The following CMTM6 variants were observed in gnomAD, a reference collection of about 807,000 sequenced individuals.
CMTM6 encodes the protein CKLF like MARVEL transmembrane domain containing 6.
CMTM6 carries 5 observed loss-of-function variants against 13.6 expected under a neutral mutation model. The observed-to-expected ratio is 0.37, with a 90% CI of 0.19 to 0.77. The LOEUF is 0.77. CMTM6 is among the 30% of genes least tolerant of loss of function. The probability of loss-of-function intolerance (pLI) is 0.50; values close to 1 mark genes in which losing one functional copy is unlikely to be tolerated. For synonymous variants in CMTM6, 99 were observed against 84.5 expected, an observed-to-expected ratio of 1.17 and a Z score of -0.94; for missense variants, 196 against 218.6, an observed-to-expected ratio of 0.90 and a Z score of 0.65.
At chr3:32,498,979 A>G (rs1175240667) in intron 1 of CMTM6, among the ~76,000 whole-genome samples, 4 of 152,198 alleles carry the variant, frequency 2.6e-5, no homozygotes, top group Non-Finnish European at 4.4e-5. Flanking sequence ...CTTATATTTT[A>G]TAAAAAGAAC....
rs910220407 is a variant in CMTM6, at chr3:32,481,321, A to C, written c.*2639T>G. 1 of 152,066 alleles carries C rather than the reference A, an allele frequency of 6.6e-6. No individual in the cohort carries two copies. The highest frequency in any genetic ancestry group is 1.5e-5 in the Non-Finnish European group (1 of 68,010). The allele number at this position is 152,066 out of a possible 1,614,324, so 9.4% of individuals were successfully genotyped here. ...CACTTACAAAGGTAAGAACGTTTTA[A>C]TTAAATGGATTTATTTAAAAAGACT... On this transcript the variant is annotated 3_prime_UTR_variant, in exon 4 of 4. Transcript: ENST00000205636.
intron 1 of CMTM6, among the ~76,000 whole-genome samples, chr3:32,501,304 T>C (rs1233909913): frequency 2.0e-5 from 3 of 150,504 alleles, no homozygotes; most frequent in African/African-American, 7.4e-5. Flanking sequence ...TACCTAAAAA[T>C]CATCATGTGA....
At chr3:32,493,294 G>A (rs1697264429) in intron 1 of CMTM6, among the ~76,000 whole-genome samples, 1 of 152,194 alleles carries the variant, frequency 6.6e-6, no homozygotes, top group Admixed American at 6.5e-5. Flanking sequence ...GGTATGGTGA[G>A]TGGAGAATGT....
In CMTM6 at chr3:32,483,990, A is replaced by G. The variant is rs774536935; in HGVS notation, c.522T>C (p.Ala174=). 4 of 1,610,196 alleles carry G rather than the reference A, an allele frequency of 2.5e-6. No individual in the cohort carries two copies. The highest frequency in any genetic ancestry group is 2.2e-5 in the South Asian group (2 of 90,452). ...CATTAAGTGGCTCAGTGAGGGCTTC[A>G]GCCCTAGTGGTATTTTCAGGTTTTC... The part of the protein sequence containing the change: ...QLRKPENTTR[A]EALTEPLNA The change falls in exon 4 of 4, where the codon GCT becomes GCC. Residue 174 remains alanine, a synonymous_variant. Coordinates refer to ENST00000205636, the MANE Select transcript of CMTM6 (RefSeq NM_017801.3).
intron 1 of CMTM6, among the ~76,000 whole-genome samples, chr3:32,496,076 C>T (rs765112576): frequency 6.6e-6 from 1 of 151,856 alleles, no homozygotes; most frequent in Non-Finnish European, 1.5e-5. Context: ...TGGCGCATGC[C>T]TGTAATCCCA....
At chr3:32,488,762 T>C (rs1254756528) in intron 2 of CMTM6, among the ~76,000 whole-genome samples, 1 of 152,196 alleles carries the variant, frequency 6.6e-6, no homozygotes, top group African/African-American at 2.4e-5. Flanking sequence ...CCATATCTTA[T>C]CATAATGCAG....
At chr3:32,486,762 G>A (rs1697209162) in intron 3 of CMTM6, among the ~76,000 whole-genome samples, 1 of 152,166 alleles carries the variant, frequency 6.6e-6, no homozygotes, top group African/African-American at 2.4e-5. Context: ...TGTTGGGGGT[G>A]GAGCCTAGCT....
intron 2 of CMTM6, among the ~76,000 whole-genome samples, chr3:32,490,941 A>T (rs1396767429): frequency 6.6e-6 from 1 of 152,216 alleles, no homozygotes; most frequent in African/African-American, 2.4e-5. Context: ...CTTATGGCAT[A>T]TTAATCTGTA....
At chr3:32,497,399 A>C (rs1312177079) in intron 1 of CMTM6, among the ~76,000 whole-genome samples, 14 of 119,674 alleles carry the variant, frequency 1.2e-4, no homozygotes, top group African/African-American at 5.5e-4. Context: ...AAAAAAAAAA[A>C]AGAAAGAAAA....
intron 1 of CMTM6, among the ~76,000 whole-genome samples, chr3:32,494,851 A>G (rs920456635): frequency 6.6e-6 from 1 of 152,220 alleles, no homozygotes; most frequent in Non-Finnish European, 1.5e-5. Context: ...AGCCAAGAGA[A>G]AGGGGAAAGG....
intron 3 of CMTM6, among the ~76,000 whole-genome samples, chr3:32,484,312 A>C (rs1697183287): frequency 6.6e-6 from 1 of 152,250 alleles, no homozygotes; most frequent in African/African-American, 2.4e-5. Flanking sequence ...TATTAGTCAA[A>C]GTCTCACAAA....
At chr3:32,492,720 A>G (rs384755) in intron 1 of CMTM6, among the ~76,000 whole-genome samples, 161 of 152,360 alleles carry the variant, frequency 1.1e-3, no homozygotes, top group African/African-American at 3.6e-3. Context: ...GCAAAAGCTC[A>G]TATCAGACAA....
chr3:32,483,611 G>A lies in CMTM6; in HGVS notation c.*349C>T, dbSNP rs537331932. The A allele has an allele frequency of 7.9e-5, 13 of 164,276 alleles. No individual in the cohort carries two copies. The highest frequency in any genetic ancestry group is 3.1e-4 in the African/African-American group (13 of 42,024). The allele number at this position is 164,276 out of a possible 1,614,324, so 10.2% of individuals were successfully genotyped here. On this transcript the variant is annotated 3_prime_UTR_variant, in exon 4 of 4. Coordinates refer to ENST00000205636, the MANE Select transcript of CMTM6 (RefSeq NM_017801.3). ...ATCACGATGTTTATACAGCTATAAAGCATAATTTGGAAGCTAAGCCTAGTA... is the reference window on the plus strand; with the variant it reads ...ATCACGATGTTTATACAGCTATAAAACATAATTTGGAAGCTAAGCCTAGTA...
At chr3:32,500,725 G>A (rs1193600770) in intron 1 of CMTM6, among the ~76,000 whole-genome samples, 1 of 152,092 alleles carries the variant, frequency 6.6e-6, no homozygotes, top group Non-Finnish European at 1.5e-5. Context: ...GAAGGAAACT[G>A]GTTATGTTCT....
chr3:32,496,684 G>A (rs749693665), intron 1 of CMTM6, among the ~76,000 whole-genome samples: 23 of 152,096 alleles, frequency 1.5e-4, no homozygotes, highest in Non-Finnish European at 2.1e-4. Context: ...CGAAGGAGCC[G>A]GAGAAGGATG....
intron 2 of CMTM6, among the ~76,000 whole-genome samples, chr3:32,489,337 T>A (rs1181128574): frequency 2.0e-5 from 3 of 151,034 alleles, no homozygotes; most frequent in Non-Finnish European, 2.9e-5. Context: ...AATCATTCAC[T>A]TAACATTTAT....
rs1697164027 is a variant in CMTM6 at position 32,482,446 on chromosome 3, C to T, written c.*1514G>A. ...CCACTGTTTCAAATAGGAAACCTAC[C>T]CTGGGAGACTTCCACCAAAGTGCAG... On this transcript the variant is annotated 3_prime_UTR_variant, in exon 4 of 4. Transcript: ENST00000205636. 1 of 152,016 alleles carries T rather than the reference C, an allele frequency of 6.6e-6. No individual in the cohort carries two copies. The highest frequency in any genetic ancestry group is 1.5e-5 in the Non-Finnish European group (1 of 68,010). 9.4% of individuals were successfully genotyped at this position (152,016 alleles called of 1,614,324 possible). A position where few individuals can be genotyped will look rare whatever the true frequency, so the allele number is the denominator to read the frequency against.
rs568784343 is a variant in CMTM6, at chr3:32,487,856, T to C, written c.414+82A>G. On this transcript the variant is annotated intron_variant, in intron 3 of 3. Transcript: ENST00000205636. ...TATAAGAAAAACAACTCTAACATGCTGTATAACTTGTCAAGTACTCTCCAA... is the reference window on the plus strand; with the variant it reads ...TATAAGAAAAACAACTCTAACATGCCGTATAACTTGTCAAGTACTCTCCAA... The C allele has an allele frequency of 2.6e-4, 228 of 892,056 alleles. 1 individual carries two copies. The highest frequency in any genetic ancestry group is 7.8e-4 in the Middle Eastern group (3 of 3,846). The allele number at this position is 892,056 out of a possible 1,614,324, so 55.3% of individuals were successfully genotyped here.
At chr3:32,502,172 G>T (rs1697350588) in intron 1 of CMTM6, among the ~76,000 whole-genome samples, 1 of 152,210 alleles carries the variant, frequency 6.6e-6, no homozygotes, top group South Asian at 2.1e-4. Flanking sequence ...AAGTTAAACT[G>T]CCCCCATGGG....
Sources: gnomAD v4.1 joint callset for allele counts (sites outside exome capture counted in the v4.1 genomes callset) on GRCh38, gnomAD v4.1.1 for gene constraint, MANE v1.5 for transcripts, NCBI Gene and HGNC (gene_info 2026-07-23, HGNC 2026-07-21) for gene names.